The following INTS2 variants were observed in gnomAD, a reference collection of about 807,000 sequenced individuals.
INTS2 encodes the protein KIAA1287.
Under a neutral mutation model 139.6 loss-of-function variants are expected in INTS2, and 57 were observed. The ratio of observed to expected loss-of-function variants is 0.41; its 90% CI spans 0.33 to 0.51. INTS2 has a LOEUF of 0.51. Ranked by LOEUF, INTS2 falls within the 20% of genes least tolerant of loss-of-function variation. INTS2 has a pLI of 0.28. For synonymous variants in INTS2, 473 were observed against 493.4 expected (o/e 0.96, Z 0.55); for missense variants, 1,196 against 1,436.7 (o/e 0.83, Z 2.71).
At chr17:61,926,749 G>A in intron 1 of INTS2, 87 bp from the exon 2 acceptor site, 1 of 1,057,364 alleles carries the variant, frequency 9.5e-7, no homozygotes, top group South Asian at 1.4e-5. Context: ...AAAATGTGGT[G>A]TATCTTTAAT....
chr17:61,920,354 G>T (rs1266124286), intron 4 of INTS2, among the ~76,000 whole-genome samples: 3 of 151,650 alleles, frequency 2.0e-5, no homozygotes, highest in African/African-American at 7.3e-5. Context: ...GCTAATTTTT[G>T]TATTTTTAGT....
In INTS2 at chr17:61,904,342, T is replaced by C. The variant is rs774218378; in HGVS notation, c.1307+118A>G. The C allele has an allele frequency of 4.1e-4, 286 of 703,822 alleles. 1 individual carries two copies. The highest frequency in any genetic ancestry group is 5.8e-4 in the Non-Finnish European group (250 of 432,044). The allele number at this position is 703,822 out of a possible 1,614,324, so 43.6% of individuals were successfully genotyped here. A position where few individuals can be genotyped will look rare whatever the true frequency, so the allele number is the denominator to read the frequency against. On this transcript the variant is annotated intron_variant, in intron 9 of 24. Coordinates refer to ENST00000251334, the MANE Select transcript of INTS2 (RefSeq NM_001351695.2). ...AAAATTGGAAAAAACAAAACAAAAC[T>C]ACGACTGTCCATACCTAGACCAGCT... is the stretch of plus-strand genomic sequence containing the variant.
At position 61,914,702 on chromosome 17, in the gene INTS2, C is replaced by CAAAAAAAAAA. The variant is rs58141533; in HGVS notation, c.650-2642_650-2633dup. Among the ~76,000 whole-genome samples, 119 of 49,348 alleles carry CAAAAAAAAAA rather than the reference C, an allele frequency of 2.4e-3. 3 individuals carry two copies. Among genetic ancestry groups the CAAAAAAAAAA allele is most frequent in the African/African-American group, 7.6e-3 (113 of 14,794 alleles). The allele number at this position is 49,348 out of a possible 152,430, so 32.4% of individuals were successfully genotyped here. On this transcript the variant is annotated intron_variant, in intron 5 of 24. Coordinates refer to ENST00000251334, the MANE Select transcript of INTS2 (RefSeq NM_001351695.2). ...TGGGCGACAGAGTGAGACTCCGTCT[C>CAAAAAAAAAA]AAAAAAAAAAAAAAAAAAAAAATTA...
chr17:61,915,337 C>CA (rs1200669667), intron 5 of INTS2, among the ~76,000 whole-genome samples: 4 of 123,878 alleles, frequency 3.2e-5, no homozygotes, highest in African/African-American at 1.2e-4. Flanking sequence ...GACTCCGTCT[C>CA]AAAAAAATAA....
At chr17:61,920,861 T>G (rs1042569554) in intron 4 of INTS2, among the ~76,000 whole-genome samples, 1 of 151,920 alleles carries the variant, frequency 6.6e-6, no homozygotes, top group African/African-American at 2.4e-5. Context: ...CATGGCTCAC[T>G]ACAGCCTCAA....
At chr17:61,919,331 G>A in intron 5 of INTS2, 69 bp downstream of exon 5, 3 of 718,350 alleles carry the variant, frequency 4.2e-6, no homozygotes, top group Non-Finnish European at 7.2e-6. Flanking sequence ...TTCTTCTTAG[G>A]TCAAAAAGAT....
At position 61,869,100 on chromosome 17, in the gene INTS2, A is replaced by G. The variant is rs777237826; in HGVS notation, c.3178T>C (p.Tyr1060His). The G allele has an allele frequency of 9.9e-6, 16 of 1,612,678 alleles. No individual in the cohort carries two copies. Among genetic ancestry groups the G allele is most frequent in the African/African-American group, 1.3e-5 (1 of 74,930 alleles). ...IQLLSHLCIQ[Y>H]ALPKSLSVAR... ...ACACTAAGTGACTTTGGTAATGCAT[A>G]TTGTATACACAAGTGAGAAAGCAAC... The change falls in exon 23 of 25, where the codon TAT becomes CAT. Residue 1060 changes from tyrosine to histidine, a missense_variant. Physicochemically the swap from Tyr to His is moderately conservative, Grantham distance 83. Coordinates refer to ENST00000251334, the MANE Select transcript of INTS2 (RefSeq NM_001351695.2). The surrounding 1 kb of genome is among the most constrained non-coding windows in gnomAD (Gnocchi z 5.4).
rs1255462990 is a variant in INTS2 at position 61,909,443 on chromosome 17, A to C, written c.955-1809T>G. Among the ~76,000 whole-genome samples, 1 of 152,130 alleles carries C rather than the reference A, an allele frequency of 6.6e-6. No homozygotes were observed. The highest frequency in any genetic ancestry group is 1.9e-4 in the East Asian group (1 of 5,196). On this transcript the variant is annotated intron_variant, in intron 7 of 24. Transcript: ENST00000251334. This position sits in a 1 kb window ranked among gnomAD's most constrained non-coding sequence, Gnocchi z 4.9. ...TATTTTTATAGATTTAGGGGGTACA[A>C]GTGCAGTTTTGTTACATGAATCTAT...
intron 16 of INTS2, among the ~76,000 whole-genome samples, chr17:61,884,222 G>A (rs1028731972): frequency 6.6e-6 from 1 of 152,214 alleles, no homozygotes; most frequent in Admixed American, 6.5e-5. Flanking sequence ...CGGGCATGGT[G>A]GCTCACTCCT....
Position 61,876,541 on chromosome 17 carries a change from C to T in INTS2, c.2456+1346G>A, listed in dbSNP as rs1402658375. 1.3e-5 allele frequency among the ~76,000 whole-genome samples: 2 copies of T among 151,992 alleles called. No individual in the cohort carries two copies. The highest frequency in any genetic ancestry group is 2.4e-5 in the African/African-American group (1 of 41,388). On this transcript the variant is annotated intron_variant, in intron 18 of 24. Coordinates refer to ENST00000251334, the MANE Select transcript of INTS2 (RefSeq NM_001351695.2). The surrounding 1 kb of genome is among the most constrained non-coding windows in gnomAD (Gnocchi z 4.1). ...GAAGCCTCCATCTCCTGGGCTCAAGCGATCGTCCTGCCTCAGCCCACCAAG... is the reference window on the plus strand; with the variant it reads ...GAAGCCTCCATCTCCTGGGCTCAAGTGATCGTCCTGCCTCAGCCCACCAAG...
At chr17:61,895,088 C>A (rs1208234345) in intron 12 of INTS2, among the ~76,000 whole-genome samples, 1 of 152,082 alleles carries the variant, frequency 6.6e-6, no homozygotes, top group Non-Finnish European at 1.5e-5. Context: ...TACTCAAAGT[C>A]TCCAAAAATA....
In INTS2 at chr17:61,871,476, A is replaced by G. The variant is rs2079088409; in HGVS notation, c.2778+789T>C. Among the ~76,000 whole-genome samples the G allele has an allele frequency of 6.6e-6, 1 of 152,150 alleles. No individual in the cohort carries two copies. ...TGCTTATATTGTCATGGTATTTATC[A>G]CTGCCTGACATTTTATTATACATGC... On this transcript the variant is annotated intron_variant, in intron 20 of 24. Coordinates refer to ENST00000251334, the MANE Select transcript of INTS2 (RefSeq NM_001351695.2). The surrounding 1 kb of genome is among the most constrained non-coding windows in gnomAD (Gnocchi z 4.9).
At position 61,904,598 on chromosome 17, in the gene INTS2, ACATCATTAGGCTTTACATT is replaced by A; in HGVS notation, c.1182-32_1182-14del. ...TTCTTCAGTTGGTCTAAAAAGGAAT[ACATCATTAGGCTTTACATT>A]TTTAGTTGGGATGAAGAAGAAAAAG... On this transcript the variant is annotated splice_polypyrimidine_tract_variant and intron_variant, in intron 8 of 24. Transcript: ENST00000251334. The A allele has an allele frequency of 6.2e-7, 1 of 1,601,602 alleles. No individual in the cohort carries two copies.
Position 61,911,926 on chromosome 17 carries a change from A to G in INTS2, c.780+14T>C, listed in dbSNP as rs1285932692. Reference sequence around the variant, plus strand: ...TATAAAGGCCTTTGTCTAATAAAACACAGGATCACTTACCACCATGCCTCG... The same window carrying G: ...TATAAAGGCCTTTGTCTAATAAAACGCAGGATCACTTACCACCATGCCTCG... On this transcript the variant is annotated intron_variant, in intron 6 of 24. Transcript: ENST00000251334. 2 of 1,606,488 alleles carry G rather than the reference A, an allele frequency of 1.2e-6. No individual in the cohort carries two copies. Among genetic ancestry groups the G allele is most frequent in the Non-Finnish European group, 1.7e-6 (2 of 1,177,786 alleles).
At chr17:61,888,568 T>C (rs28696236) in intron 15 of INTS2, among the ~76,000 whole-genome samples, 12,217 of 81,128 alleles carry the variant, frequency 0.15, 756 homozygotes, top group South Asian at 0.43. Flanking sequence ...TGCGTGCGTG[T>C]GTGTGTGTGT....
chr17:61,867,977 TA>T lies in INTS2; in HGVS notation c.3276del (p.Phe1092LeufsTer26). The T allele has an allele frequency of 4.4e-6, 7 of 1,604,216 alleles. No individual in the cohort carries two copies. The highest frequency in any genetic ancestry group is 2.2e-5 in the East Asian group (1 of 44,830). ...GAGACCAAACTTGGCAGAGTTGGCA[TA>T]AAAAAAGCATACCGCTTAGCCTGTG... Reference protein sequence around the residue: ...VLTQAKRYAFFMPTLPSLVSF... With the variant: ...VLTQAKRYAFXMPTLPSLVSF... On this transcript the variant is annotated frameshift_variant, in exon 24 of 25. Coordinates refer to ENST00000251334, the MANE Select transcript of INTS2 (RefSeq NM_001351695.2). LOFTEE classifies it high-confidence loss of function. The surrounding 1 kb of genome is among the most constrained non-coding windows in gnomAD (Gnocchi z 5.6).
intron 2 of INTS2, 22 bp downstream of exon 2, chr17:61,926,330 A>C: frequency 6.5e-7 from 1 of 1,536,316 alleles, no homozygotes; most frequent in Non-Finnish European, 8.8e-7. Context: ...CCAAATCCAC[A>C]TATAATATAA....
intron 11 of INTS2, among the ~76,000 whole-genome samples, chr17:61,895,846 T>C (rs1405721162): frequency 6.6e-6 from 1 of 151,744 alleles, no homozygotes; most frequent in Non-Finnish European, 1.5e-5. Flanking sequence ...ATGTAAAACA[T>C]GAAACCACCA....
At chr17:61,904,048 T>A (rs2079435573) in intron 9 of INTS2, among the ~76,000 whole-genome samples, 1 of 152,182 alleles carries the variant, frequency 6.6e-6, no homozygotes, top group Non-Finnish European at 1.5e-5. Context: ...GCTATTTGCC[T>A]TAACAAATCC....
Sources: allele counts gnomAD v4.1 joint callset (sites outside exome capture counted in the v4.1 genomes callset), GRCh38; gene constraint gnomAD v4.1.1; non-coding constraint Gnocchi (gnomAD v3.1); transcripts MANE v1.5; gene names NCBI Gene and HGNC (gene_info 2026-07-23, HGNC 2026-07-21).